GPM6B: variants seen among roughly 807,000 people sequenced by gnomAD.
GPM6B encodes the protein neuronal membrane glycoprotein M6-b.
A neutral mutation model predicts 27.2 loss-of-function variants in GPM6B; 4 were observed. The observed-to-expected ratio is 0.15, with a 90% confidence interval of 0.07 to 0.34. The LOEUF (loss-of-function observed/expected upper bound fraction) is 0.34, where lower values mean the gene tolerates loss of function less well. Ranked by LOEUF, GPM6B falls within the 10% of genes least tolerant of loss-of-function variation. The pLI, the probability that GPM6B is intolerant of heterozygous loss-of-function variation, is 1.00. For missense variants in GPM6B, 183 were observed against 261.9 expected, an observed-to-expected ratio of 0.70 and a Z score of 2.08; for synonymous variants, 124 against 103.1, an observed-to-expected ratio of 1.20 and a Z score of -1.23.
rs768741536 is a variant in GPM6B, at chrX:13,778,273, C to T, written c.698-848G>A. On this transcript the variant is annotated intron_variant, in intron 5 of 7. Transcript: ENST00000316715. ...CATCTTAGCCAGGCTGGTCTTTGAACTCCCGACCTCGTGATCCACCCGCCT... is the reference window on the plus strand; with the variant it reads ...CATCTTAGCCAGGCTGGTCTTTGAATTCCCGACCTCGTGATCCACCCGCCT... Among the ~76,000 whole-genome samples, 7 of 111,475 alleles carry T rather than the reference C, an allele frequency of 6.3e-5. No individual in the cohort carries two copies. The South Asian group carries it at 2.6e-3, about 42-fold the overall frequency.
At chrX:13,846,600 C>T (rs2049649440) in intron 1 of GPM6B, among the ~76,000 whole-genome samples, 1 of 109,556 alleles carries the variant, frequency 9.1e-6, no homozygotes, top group Admixed American at 9.7e-5. Context: ...ACGCCATTCC[C>T]CTGCCTCAGC....
At chrX:13,885,521 G>A (rs1165820412) in intron 1 of GPM6B, among the ~76,000 whole-genome samples, 1 of 111,917 alleles carries the variant, frequency 8.9e-6, no homozygotes, top group African/African-American at 3.2e-5. Flanking sequence ...GAGCGGGCCA[G>A]GACTCCTAGA....
chrX:13,865,559 A>AAAAAAAAAAAAAAGAAAG (rs34662549), intron 1 of GPM6B, among the ~76,000 whole-genome samples: 14 of 52,916 alleles, frequency 2.6e-4, no homozygotes, highest in Admixed American at 4.9e-4. Context: ...AAAAAAAAAA[A>AAAAAAAAAAAAAAGAAAG]AAAGAAAGAA....
rs994606602 is a variant in GPM6B at position 13,774,254 on chromosome X, G to A, written c.838-1224C>T. On this transcript the variant is annotated intron_variant, in intron 7 of 7. Coordinates refer to ENST00000316715, the MANE Select transcript of GPM6B (RefSeq NM_001001995.3). ...CCAAAGTGTTAATAATTCATTTAAA[G>A]ATACTGCTCTCTAATGTTTAAGTAT... The A allele has an allele frequency of 1.1e-5, 9 of 811,632 alleles. No homozygotes were observed. In the Admixed American group the frequency reaches 2.0e-4, roughly 18 times the overall value. The allele number at this position is 811,632 out of a possible 1,213,427, so 66.9% of individuals were successfully genotyped here. A position where few individuals can be genotyped will look rare whatever the true frequency, so the allele number is the denominator to read the frequency against.
chrX:13,809,217 G>T (rs1021537955), intron 1 of GPM6B, among the ~76,000 whole-genome samples: 1 of 111,992 alleles, frequency 8.9e-6, no homozygotes, highest in African/African-American at 3.2e-5. Flanking sequence ...CAGCCAGGAG[G>T]TAGAGAAGCC....
At chrX:13,887,726 T>A (rs2050150785) in intron 1 of GPM6B, among the ~76,000 whole-genome samples, 1 of 111,695 alleles carries the variant, frequency 9.0e-6, no homozygotes, top group Admixed American at 9.5e-5. Context: ...AGACTTAAAG[T>A]TGGCTGCACT....
At chrX:13,810,744 T>TAAAAAAAAA (rs747466374) in intron 1 of GPM6B, among the ~76,000 whole-genome samples, 1 of 80,683 alleles carries the variant, frequency 1.2e-5, no homozygotes, top group Non-Finnish European at 2.5e-5. Flanking sequence ...ATTCAGGATT[T>TAAAAAAAAA]AAAAAAAAAA....
intron 1 of GPM6B, among the ~76,000 whole-genome samples, chrX:13,921,579 C>T (rs1005056421): frequency 1.3e-4 from 8 of 59,907 alleles, no homozygotes; most frequent in African/African-American, 5.2e-4. Context: ...ATAACCCCCC[C>T]CCTTTTTTTT....
At chrX:13,809,915 C>CAA (rs750794950) in intron 1 of GPM6B, among the ~76,000 whole-genome samples, 2,553 of 48,070 alleles carry the variant, frequency 0.053, 193 homozygotes, top group East Asian at 0.18. Flanking sequence ...CCAGCCTGGG[C>CAA]AAAAAAAAAA....
At chrX:13,830,449 C>T (rs1007135732) in intron 1 of GPM6B, among the ~76,000 whole-genome samples, 11 of 112,143 alleles carry the variant, frequency 9.8e-5, no homozygotes, top group Admixed American at 1.9e-4. Flanking sequence ...ATAGGGCAAC[C>T]GAGTTCCTTT....
At chrX:13,794,069 C>G (rs1036019856) in intron 2 of GPM6B, among the ~76,000 whole-genome samples, 7 of 112,156 alleles carry the variant, frequency 6.2e-5, no homozygotes, top group Non-Finnish European at 1.1e-4. Flanking sequence ...TGGTCTATGG[C>G]TACTTTCAAG....
chrX:13,802,357 A>C (rs1207033843), intron 2 of GPM6B, among the ~76,000 whole-genome samples: 3 of 110,923 alleles, frequency 2.7e-5, no homozygotes, highest in Non-Finnish European at 5.7e-5. Context: ...CTGTCTGCCT[A>C]CTCTAAGGTG....
At chrX:13,937,377 C>A (rs1236307509) in intron 1 of GPM6B, among the ~76,000 whole-genome samples, 1 of 111,680 alleles carries the variant, frequency 9.0e-6, no homozygotes, top group Admixed American at 9.5e-5. Context: ...ATCGCCCCCC[C>A]ACACACAATT....
intron 2 of GPM6B, among the ~76,000 whole-genome samples, chrX:13,793,735 A>G (rs2048757696): frequency 9.0e-6 from 1 of 111,702 alleles, no homozygotes; most frequent in Non-Finnish European, 1.9e-5. Context: ...ACCCCAGACC[A>G]ATTTTATCAG....
chrX:13,888,057 A>G (rs540106699), intron 1 of GPM6B, among the ~76,000 whole-genome samples: 3 of 112,419 alleles, frequency 2.7e-5, no homozygotes, highest in African/African-American at 9.7e-5. Context: ...ATTGAGAACC[A>G]CTGAATTAGA....
At chrX:13,785,898 A>G in intron 2 of GPM6B, 90 bp from the exon 3 acceptor site, 1 of 704,370 alleles carries the variant, frequency 1.4e-6, no homozygotes, top group Non-Finnish European at 2.1e-6. Context: ...AAGGCTTACA[A>G]TTTTCCATCT....
intron 1 of GPM6B, chrX:13,889,040 T>A (rs927125649): frequency 9.0e-6 from 1 of 111,589 alleles, no homozygotes; most frequent in African/African-American, 3.3e-5. Context: ...GTTTTCCGTC[T>A]TGATGCACGT....
intron 1 of GPM6B, among the ~76,000 whole-genome samples, chrX:13,878,375 G>A (rs138538923): frequency 9.1e-6 from 1 of 110,327 alleles, no homozygotes; most frequent in Non-Finnish European, 1.9e-5. Flanking sequence ...CCAAAGAACA[G>A]AGCAGAGGGG....
chrX:13,938,071 A>G (rs889461640), intron 1 of GPM6B, among the ~76,000 whole-genome samples: 2 of 110,949 alleles, frequency 1.8e-5, no homozygotes. Flanking sequence ...GAACAGAAGC[A>G]CGGCGGGGCG....
Sources: gnomAD v4.1 joint callset for allele counts (sites outside exome capture counted in the v4.1 genomes callset) on GRCh38, gnomAD v4.1.1 for gene constraint, MANE v1.5 for transcripts, NCBI Gene and HGNC (gene_info 2026-07-23, HGNC 2026-07-21) for gene names.